TGFBR2: variants seen among roughly 807,000 people sequenced by gnomAD.
TGFBR2 encodes TGF-beta receptor type-2.
A neutral mutation model predicts 49.0 loss-of-function variants in TGFBR2; 18 were observed. That is an observed-to-expected ratio of 0.37 (90% CI 0.25 to 0.54). The LOEUF is 0.54. TGFBR2 is among the 20% of genes least tolerant of loss of function. The probability of loss-of-function intolerance (pLI) is 0.85; values close to 1 mark genes in which losing one functional copy is unlikely to be tolerated. For missense variants in TGFBR2, 525 were observed against 722.6 expected (o/e 0.73, Z 3.13); for synonymous variants, 282 against 275.9 (o/e 1.02, Z -0.22).
chr3:30,691,038 G>A (rs9831372), intron 6 of TGFBR2, among the ~76,000 whole-genome samples: 28,269 of 151,948 alleles, frequency 0.19, 3,454 homozygotes, highest in East Asian at 0.38. Flanking sequence ...GCTGTGAAGC[G>A]AGAACTTCTC....
chr3:30,630,596 A>C (rs2125391111), intron 1 of TGFBR2, among the ~76,000 whole-genome samples: 1 of 152,286 alleles, frequency 6.6e-6, no homozygotes, highest in Middle Eastern at 3.4e-3. Context: ...TCATTATGTA[A>C]ATACTGTCCT....
chr3:30,607,799 A>AAAAT (rs1367214755), intron 1 of TGFBR2, among the ~76,000 whole-genome samples: 31 of 138,312 alleles, frequency 2.2e-4, no homozygotes, highest in Admixed American at 7.1e-4. Flanking sequence ...AAAATAAAAA[A>AAAAT]ATATATATAT....
chr3:30,639,987 C>T, intron 1 of TGFBR2, among the ~76,000 whole-genome samples: 1 of 152,156 alleles, frequency 6.6e-6, no homozygotes, highest in Middle Eastern at 3.2e-3. Context: ...TCTTATTAGG[C>T]TGCTCATCTG....
intron 2 of TGFBR2, among the ~76,000 whole-genome samples, chr3:30,648,638 A>G (rs1698821663): frequency 6.6e-6 from 1 of 152,044 alleles, no homozygotes; most frequent in East Asian, 1.9e-4. Flanking sequence ...ACCCTCAACC[A>G]ATTATTCTGC....
chr3:30,631,090 G>A (rs1698428982), intron 1 of TGFBR2, among the ~76,000 whole-genome samples: 1 of 145,184 alleles, frequency 6.9e-6, no homozygotes, highest in Admixed American at 7.1e-5. Flanking sequence ...CGTAAGGCTG[G>A]AATGTAGTGG....
intron 5 of TGFBR2, among the ~76,000 whole-genome samples, chr3:30,683,126 G>A (rs949478837): frequency 2.0e-5 from 3 of 152,180 alleles, no homozygotes; most frequent in Admixed American, 6.5e-5. Context: ...GTTGGATCCC[G>A]TCTCTGAAGA....
At chr3:30,674,767 G>A (rs3773647) in intron 5 of TGFBR2, among the ~76,000 whole-genome samples, 55,278 of 151,942 alleles carry the variant, frequency 0.36, 10,555 homozygotes, top group Non-Finnish European at 0.42. Flanking sequence ...AGGTTATTGA[G>A]GAAGGCCGTC....
chr3:30,672,572 G>A lies in TGFBR2; in HGVS notation c.1254+135G>A. 1.0e-6 allele frequency: 1 copy of A among 995,410 alleles called. No homozygotes were observed. Among genetic ancestry groups the A allele is most frequent in the Non-Finnish European group, 1.6e-6 (1 of 633,282 alleles). The allele number at this position is 995,410 out of a possible 1,614,324, so 61.7% of individuals were successfully genotyped here. On this transcript the variant is annotated intron_variant, in intron 4 of 6. Coordinates refer to ENST00000295754, the MANE Select transcript of TGFBR2 (RefSeq NM_003242.6). This position sits in a 1 kb window ranked among gnomAD's most constrained non-coding sequence, Gnocchi z 4.5. Reference sequence around the variant, plus strand: ...GGTCTAGGGAATCTAGCCAAAGTATGGAGTCTGCCTTGAGCATACTCTGCT... The same window carrying A: ...GGTCTAGGGAATCTAGCCAAAGTATAGAGTCTGCCTTGAGCATACTCTGCT...
At chr3:30,679,714 C>T (rs946521117) in intron 5 of TGFBR2, among the ~76,000 whole-genome samples, 4 of 152,176 alleles carry the variant, frequency 2.6e-5, no homozygotes, top group Non-Finnish European at 5.9e-5. Context: ...ACTGAAGGCT[C>T]AGGAAGTGCG....
rs1553627148 is a variant in TGFBR2 at position 30,644,788 on chromosome 3, A to G, written c.136A>G (p.Lys46Glu). ...AGTCACTGACAACAACGGTGCAGTC[A>G]AGTTTCCACAACTGTGTAAATTTTG... ...MIVTDNNGAV[K>E]FPQLCKFCDV... Residue 46 changes from lysine (K) to glutamate (E), a missense_variant, in exon 2 of 7, where the codon AAG becomes GAG. Coordinates refer to ENST00000295754, the MANE Select transcript of TGFBR2 (RefSeq NM_003242.6). The G allele has an allele frequency of 6.2e-7, 1 of 1,614,146 alleles. No homozygotes were observed. Among genetic ancestry groups the G allele is most frequent in the African/African-American group, 1.3e-5 (1 of 75,062 alleles).
At chr3:30,631,036 C>CTTT (rs34649868) in intron 1 of TGFBR2, among the ~76,000 whole-genome samples, 1 of 120,904 alleles carries the variant, frequency 8.3e-6, no homozygotes. Context: ...AAGGAGTAGC[C>CTTT]TTTTTTTTTT....
chr3:30,650,168 A>G (rs1698852420), intron 2 of TGFBR2, 102 bp from the exon 3 acceptor site: 1 of 1,216,370 alleles, frequency 8.2e-7, no homozygotes, highest in Admixed American at 1.7e-5. Flanking sequence ...TCATGAAGGA[A>G]AAGTATTCCA....
At chr3:30,630,382 A>G (rs72849351) in intron 1 of TGFBR2, among the ~76,000 whole-genome samples, 3,067 of 152,312 alleles carry the variant, frequency 0.02, 112 homozygotes, top group African/African-American at 0.07. Context: ...CAAAGTTTAG[A>G]TCACTTATTC....
At chr3:30,679,219 G>T (rs1388542005) in intron 5 of TGFBR2, among the ~76,000 whole-genome samples, 1 of 152,196 alleles carries the variant, frequency 6.6e-6, no homozygotes, top group Non-Finnish European at 1.5e-5. Context: ...GAGCTCAAAG[G>T]ACTGAATGCC....
At chr3:30,661,147 A>G (rs575394973) in intron 3 of TGFBR2, among the ~76,000 whole-genome samples, 1 of 152,252 alleles carries the variant, frequency 6.6e-6, no homozygotes, top group African/African-American at 2.4e-5. Context: ...TGTAATTCAG[A>G]CAGCCAGCCA....
intron 3 of TGFBR2, among the ~76,000 whole-genome samples, chr3:30,666,042 A>AT (rs1346069243): frequency 6.6e-6 from 1 of 152,206 alleles, no homozygotes; most frequent in East Asian, 1.9e-4. Context: ...CAACAAACTC[A>AT]TAGGTACAGC....
At chr3:30,655,645 T>G (rs1027439252) in intron 3 of TGFBR2, among the ~76,000 whole-genome samples, 1 of 152,200 alleles carries the variant, frequency 6.6e-6, no homozygotes, top group Non-Finnish European at 1.5e-5. Flanking sequence ...CCTCTTCATT[T>G]TTTCCATGGA....
chr3:30,642,506 C>T (rs532949481), intron 1 of TGFBR2, among the ~76,000 whole-genome samples: 1 of 152,282 alleles, frequency 6.6e-6, no homozygotes, highest in African/African-American at 2.4e-5. Context: ...TAAATTTCCT[C>T]AGGTGATGGA....
At chr3:30,615,957 G>A (rs1259603009) in intron 1 of TGFBR2, among the ~76,000 whole-genome samples, 1 of 151,978 alleles carries the variant, frequency 6.6e-6, no homozygotes, top group South Asian at 2.1e-4. Flanking sequence ...ACCAAGTCTG[G>A]TCTTGAACAC....
Sources: gnomAD v4.1 joint callset for allele counts (sites outside exome capture counted in the v4.1 genomes callset) on GRCh38, gnomAD v4.1.1 for gene constraint, Gnocchi (gnomAD v3.1) non-coding constraint, MANE v1.5 for transcripts, NCBI Gene and HGNC (gene_info 2026-07-23, HGNC 2026-07-21) for gene names.